FARS2: variants seen among roughly 807,000 people sequenced by gnomAD.
FARS2 encodes the protein phenylalanine--tRNA ligase, mitochondrial.
In FARS2, 40 loss-of-function variants were observed where a neutral mutation model predicts 46.4. The observed-to-expected ratio is 0.86, with a 90% confidence interval of 0.67 to 1.12. The LOEUF (loss-of-function observed/expected upper bound fraction) is 1.12, where lower values mean the gene tolerates loss of function less well. FARS2 is among the 50% of genes most tolerant of loss of function. The pLI is 0.00. For synonymous variants in FARS2, 234 were observed against 214.9 expected (o/e 1.09, Z -0.78); for missense variants, 513 against 567.9 (o/e 0.90, Z 0.98).
At chr6:5,259,007 G>T (rs945935343), upstream of FARS2, among the ~76,000 whole-genome samples, 2 of 152,180 alleles carry the variant, frequency 1.3e-5, no homozygotes, top group African/African-American at 4.8e-5. Flanking sequence ...AAATGGAAGG[G>T]TCCTTAGAGA....
At chr6:5,704,455 A>C (rs144676106) in intron 6 of FARS2, among the ~76,000 whole-genome samples, 1 of 152,366 alleles carries the variant, frequency 6.6e-6, no homozygotes, top group African/African-American at 2.4e-5. Flanking sequence ...GTAATGATAA[A>C]GTATATTGCC....
intron 1 of FARS2, among the ~76,000 whole-genome samples, chr6:5,337,796 C>T (rs1004464516): frequency 3.3e-5 from 5 of 152,108 alleles, no homozygotes; most frequent in Admixed American, 1.3e-4. Flanking sequence ...AATGTTCTTA[C>T]GTTGGCTAAA....
At position 5,742,908 on chromosome 6, in the gene FARS2, G is replaced by T. The variant is rs149265114; in HGVS notation, c.1218-28383G>T. Among the ~76,000 whole-genome samples, 203 of 152,054 alleles carry T rather than the reference G, an allele frequency of 1.3e-3. 2 individuals are homozygous for T. The highest frequency in any genetic ancestry group is 0.01 in the East Asian group (53 of 5,148). The stretch of plus-strand genomic sequence containing the variant: ...CAGGAAATGGGTTCTCAGGAAATGG[G>T]CTCCCAGGAAATGGGCTCCCAGTAC... On this transcript the variant is annotated intron_variant, in intron 6 of 6. Coordinates refer to ENST00000274680, the MANE Select transcript of FARS2 (RefSeq NM_006567.5).
intron 6 of FARS2, among the ~76,000 whole-genome samples, chr6:5,730,889 T>G (rs1196737931): frequency 6.6e-6 from 1 of 152,172 alleles, no homozygotes; most frequent in Non-Finnish European, 1.5e-5. Context: ...TAGATGGTCT[T>G]TTAGAGATGA....
chr6:5,423,186 CG>C (rs1310643316), intron 3 of FARS2, among the ~76,000 whole-genome samples: 1 of 151,954 alleles, frequency 6.6e-6, no homozygotes, highest in African/African-American at 2.4e-5. Context: ...AACAGGTTGA[CG>C]AGGAGGATCG....
At chr6:5,423,157 G>A (rs955120533) in intron 3 of FARS2, among the ~76,000 whole-genome samples, 1 of 152,098 alleles carries the variant, frequency 6.6e-6, no homozygotes, top group African/African-American at 2.4e-5. Context: ...GCAGGGATCT[G>A]AAGATAGTTT....
chr6:5,679,562 A>C (rs77804522), intron 6 of FARS2, among the ~76,000 whole-genome samples: 3,516 of 152,068 alleles, frequency 0.023, 148 homozygotes, highest in African/African-American at 0.081. Flanking sequence ...TGATCGCCTT[A>C]CCTCCCTCTT....
chr6:5,589,986 A>G (rs1156419772), intron 5 of FARS2, among the ~76,000 whole-genome samples: 1 of 152,248 alleles, frequency 6.6e-6, no homozygotes, highest in Non-Finnish European at 1.5e-5. Context: ...CTGCACAGTC[A>G]CTTAACTGCA....
intron 1 of FARS2, among the ~76,000 whole-genome samples, chr6:5,276,859 C>A (rs1385235728): frequency 6.6e-6 from 1 of 152,216 alleles, no homozygotes; most frequent in Non-Finnish European, 1.5e-5. Flanking sequence ...CCAAAGATTT[C>A]TCTCTGCCTG....
chr6:5,518,674 T>C (rs1388077093), intron 4 of FARS2, among the ~76,000 whole-genome samples: 1 of 152,240 alleles, frequency 6.6e-6, no homozygotes, highest in Non-Finnish European at 1.5e-5. Flanking sequence ...ATTTTTATTA[T>C]AATTAATGTT....
intron 4 of FARS2, among the ~76,000 whole-genome samples, chr6:5,532,353 T>G (rs1234507448): frequency 6.6e-6 from 1 of 152,242 alleles, no homozygotes; most frequent in Non-Finnish European, 1.5e-5. Context: ...CTGTTTATCT[T>G]TTCAACATAG....
At chr6:5,288,562 C>T (rs1767286276) in intron 1 of FARS2, among the ~76,000 whole-genome samples, 1 of 152,180 alleles carries the variant, frequency 6.6e-6, no homozygotes, top group Admixed American at 6.5e-5. Context: ...TGTTCTAGAA[C>T]ACAGCCGTGA....
intron 1 of FARS2, among the ~76,000 whole-genome samples, chr6:5,310,895 G>A (rs1490141243): frequency 6.6e-6 from 1 of 152,242 alleles, no homozygotes. Flanking sequence ...GTCCTTGGTA[G>A]AGTAAGTTGA....
intron 3 of FARS2, among the ~76,000 whole-genome samples, chr6:5,421,512 C>A (rs767755716): frequency 6.6e-6 from 1 of 152,190 alleles, no homozygotes; most frequent in African/African-American, 2.4e-5. Flanking sequence ...TCTTTTCTAT[C>A]GCATTGTCAG....
chr6:5,353,954 T>A (rs1344674924), intron 1 of FARS2, among the ~76,000 whole-genome samples: 6 of 151,240 alleles, frequency 4.0e-5, no homozygotes, highest in South Asian at 2.1e-4. Flanking sequence ...TTTTTTTTTT[T>A]AAAAGTGATT....
chr6:5,399,174 TATCATC>T (rs750807750), intron 2 of FARS2, among the ~76,000 whole-genome samples: 3 of 67,622 alleles, frequency 4.4e-5, no homozygotes, highest in East Asian at 4.5e-4. Flanking sequence ...TTATTATTAT[TATCATC>T]ATCATCATCA....
intron 3 of FARS2, among the ~76,000 whole-genome samples, chr6:5,405,269 A>C (rs1186795269): frequency 2.6e-5 from 4 of 152,136 alleles, no homozygotes; most frequent in Admixed American, 1.3e-4. Flanking sequence ...TTGACTGAAA[A>C]TCTTAATGAG....
At chr6:5,472,821 A>C (rs914516226) in intron 4 of FARS2, among the ~76,000 whole-genome samples, 1 of 152,210 alleles carries the variant, frequency 6.6e-6, no homozygotes, top group Non-Finnish European at 1.5e-5. Flanking sequence ...CTAAGTAAAA[A>C]GAAGCCTTGT....
intron 1 of FARS2, among the ~76,000 whole-genome samples, chr6:5,264,563 G>T (rs954089184): frequency 1.4e-5 from 2 of 147,790 alleles, no homozygotes; most frequent in East Asian, 2.0e-4. Flanking sequence ...GTGCAATCTC[G>T]TCCGGCTAAT....
Sources: allele counts gnomAD v4.1 joint callset (sites outside exome capture counted in the v4.1 genomes callset), GRCh38; gene constraint gnomAD v4.1.1; transcripts MANE v1.5; gene names NCBI Gene and HGNC (gene_info 2026-07-23, HGNC 2026-07-21).